Variants in HCN2 observed in about 807,000 individuals in gnomAD.
HCN2 encodes the protein hyperpolarization activated cyclic nucleotide gated potassium and sodium channel 2, also known as potassium/sodium hyperpolarization-activated cyclic nucleotide-gated channel 2.
HCN2 carries 20 observed loss-of-function variants against 52.3 expected under a neutral mutation model. The observed-to-expected ratio is 0.38, with a 90% CI of 0.27 to 0.56. The LOEUF is 0.56. HCN2 is among the 20% of genes least tolerant of loss of function. The pLI, the probability that HCN2 is intolerant of heterozygous loss-of-function variation, is 0.71. For missense variants in HCN2, 981 were observed against 1,207.7 expected (o/e 0.81, Z 2.78); for synonymous variants, 694 against 537.0 (o/e 1.29, Z -4.04).
At chr19:612,652 C>T (rs954012610) in intron 5 of HCN2, among the ~76,000 whole-genome samples, 17 of 151,960 alleles carry the variant, frequency 1.1e-4, no homozygotes, top group Non-Finnish European at 1.6e-4. Flanking sequence ...TGACATCAGG[C>T]GATCCACCCA....
At chr19:599,589 C>A (rs1284340603) in intron 1 of HCN2, among the ~76,000 whole-genome samples, 6 of 150,880 alleles carry the variant, frequency 4.0e-5, no homozygotes, top group Admixed American at 4.0e-4. Context: ...ACCATCCTGG[C>A]TAACATGGTG....
chr19:607,864 C>T (rs1983473119), intron 3 of HCN2, 100 bp from the exon 4 acceptor site: 2 of 830,694 alleles, frequency 2.4e-6, no homozygotes, highest in Middle Eastern at 3.5e-4. Context: ...AGCTCACCAC[C>T]TCCAGTGCTT....
intron 7 of HCN2, 113 bp downstream of exon 7, chr19:614,129 T>G (rs1046053842): frequency 4.6e-5 from 31 of 679,658 alleles, no homozygotes; most frequent in Middle Eastern, 5.1e-4. Context: ...GGCTGTGGCA[T>G]CAGGGGCACG....
At chr19:606,206 T>G (rs1983423097) in intron 3 of HCN2, among the ~76,000 whole-genome samples, 1 of 152,090 alleles carries the variant, frequency 6.6e-6, no homozygotes, top group Admixed American at 6.5e-5. Flanking sequence ...GTTCAAGGGA[T>G]TCTCTCGCCT....
intron 6 of HCN2, 80 bp from the exon 7 acceptor site, chr19:613,772 G>A: frequency 7.3e-7 from 1 of 1,375,820 alleles, no homozygotes; most frequent in Middle Eastern, 2.8e-4. Context: ...CCAAGGTGCA[G>A]AGGCCGGGCC....
intron 5 of HCN2, among the ~76,000 whole-genome samples, chr19:612,462 C>T (rs1268185387): frequency 6.7e-6 from 1 of 149,008 alleles, no homozygotes; most frequent in Non-Finnish European, 1.5e-5. Context: ...GTCACCCGGG[C>T]TCCAGTGCAG....
chr19:612,458 C>T (rs542726694), intron 5 of HCN2, among the ~76,000 whole-genome samples: 103 of 143,574 alleles, frequency 7.2e-4, no homozygotes, highest in African/African-American at 2.5e-3. Flanking sequence ...CTCTGTCACC[C>T]GGGCTCCAGT....
chr19:596,738 GCA>G (rs1168030927), intron 1 of HCN2, among the ~76,000 whole-genome samples: 3 of 152,182 alleles, frequency 2.0e-5, no homozygotes, highest in Admixed American at 2.0e-4. Context: ...GGACGCGGCT[GCA>G]CAGAGTGTGA....
At chr19:613,215 C>G in intron 5 of HCN2, 33 bp from the exon 6 acceptor site, 1 of 1,582,502 alleles carries the variant, frequency 6.3e-7, no homozygotes, top group Non-Finnish European at 8.6e-7. Flanking sequence ...GAGTGGGGTC[C>G]GCAGCGGACC....
In HCN2 at chr19:616,468, C is replaced by G; in HGVS notation, c.2664C>G (p.Asn888Lys). 1 of 1,228,206 alleles carries G rather than the reference C, an allele frequency of 8.1e-7. No homozygotes were observed. The highest frequency in any genetic ancestry group is 1.0e-6 in the Non-Finnish European group (1 of 982,802). 76.1% of individuals were successfully genotyped at this position (1,228,206 alleles called of 1,614,324 possible). A position where few individuals can be genotyped will look rare whatever the true frequency, so the allele number is the denominator to read the frequency against. ...QDSARSRLSS[N>K]L ...CCGCGCGCTCGCGCCTCTCGTCCAA[C>G]TTGTGACCCTCGCCGACCGCCCCGC... The change falls in exon 8 of 8, where the codon AAC (asparagine) becomes AAG (lysine). Residue 888 changes from asparagine (N) to lysine (K), a missense_variant. Physicochemically the swap from Asn to Lys is moderately conservative, Grantham distance 94. Around this residue, in one of 6 missense-constraint regions of HCN2, gnomAD observed 368 missense variants for 314.8 expected, o/e 1.17. Coordinates refer to ENST00000251287, the MANE Select transcript of HCN2 (RefSeq NM_001194.4).
chr19:615,877 C>A lies in HCN2; in HGVS notation c.2073C>A (p.Ile691=). The change falls in exon 8 of 8, where the codon ATC becomes ATA. Residue 691 remains isoleucine, a synonymous_variant. Transcript: ENST00000251287. The stretch of plus-strand genomic sequence containing the variant: ...TCAACAACCAGGAGAACGCCATCAT[C>A]CAGGAGATCGTCAAGTACGACCGCG... The part of the protein sequence containing the change: ...GVFNNQENAI[I]QEIVKYDREM... 1 of 1,613,042 alleles carries A rather than the reference C, an allele frequency of 6.2e-7. No homozygotes were observed. The highest frequency in any genetic ancestry group is 8.5e-7 in the Non-Finnish European group (1 of 1,179,896).
At chr19:599,729 A>G (rs941082574) in intron 1 of HCN2, among the ~76,000 whole-genome samples, 3 of 152,042 alleles carry the variant, frequency 2.0e-5, no homozygotes, top group Non-Finnish European at 2.9e-5. Flanking sequence ...CGGAGCTTGC[A>G]GTGAGCCGAG....
chr19:595,711 G>A (rs1053177049), intron 1 of HCN2, among the ~76,000 whole-genome samples: 2 of 151,770 alleles, frequency 1.3e-5, no homozygotes, highest in Non-Finnish European at 2.9e-5. Context: ...GCCCCGTCGG[G>A]ATCACCCGGG....
At chr19:615,140 A>T (rs902746373) in intron 7 of HCN2, among the ~76,000 whole-genome samples, 11 of 152,036 alleles carry the variant, frequency 7.2e-5, no homozygotes, top group African/African-American at 2.7e-4. Context: ...GTCATTACAT[A>T]ATCAGCGTAT....
intron 1 of HCN2, among the ~76,000 whole-genome samples, chr19:597,489 C>T (rs1983064551): frequency 2.0e-5 from 3 of 151,846 alleles, no homozygotes; most frequent in Non-Finnish European, 4.4e-5. Context: ...TTCTAGGTCT[C>T]CTTGGCGGTT....
intron 7 of HCN2, among the ~76,000 whole-genome samples, chr19:614,675 T>C (rs1983819982): frequency 6.6e-6 from 1 of 150,752 alleles, no homozygotes; most frequent in South Asian, 2.1e-4. Context: ...CAGGGCCCAG[T>C]GGGCGGCAGG....
chr19:605,352 TATGGAGGGGAGG>T (rs1983390446), intron 3 of HCN2, 130 bp downstream of exon 3: 2 of 567,592 alleles, frequency 3.5e-6, no homozygotes, highest in African/African-American at 4.1e-5. Context: ...GGCGCCCCCT[TATGGAGGGGAGG>T]ACTCGGGCCC....
Position 605,760 on chromosome 19 carries a change from CGCCCCCTTA to C in HCN2, c.1218+539_1218+547del, listed in dbSNP as rs1161442619. Among the ~76,000 whole-genome samples, 405 of 130,388 alleles carry C rather than the reference CGCCCCCTTA, an allele frequency of 3.1e-3. 15 individuals are homozygous for C. Among genetic ancestry groups the C allele is most frequent in the African/African-American group, 0.011 (366 of 33,144 alleles). The allele number at this position is 130,388 out of a possible 152,430, so 85.5% of individuals were successfully genotyped here. A position where few individuals can be genotyped will look rare whatever the true frequency, so the allele number is the denominator to read the frequency against. ...GCCCTTACAGAGGTGGGGACCCAGG[CGCCCCCTTA>C]TGGAGGGAAGGACTCGGGCCCTTAC... On this transcript the variant is annotated intron_variant, in intron 3 of 7. Coordinates refer to ENST00000251287, the MANE Select transcript of HCN2 (RefSeq NM_001194.4).
chr19:594,024 C>G lies in HCN2; in HGVS notation c.632+3447C>G, dbSNP rs948872420. On this transcript the variant is annotated intron_variant, in intron 1 of 7. Transcript: ENST00000251287. ...GGCCACACAGGTCCACTTGGGAAAG[C>G]CTGAGTCGTGCAAAGGAGGGTGTCT... Among the ~76,000 whole-genome samples, 3 of 152,244 alleles carry G rather than the reference C, an allele frequency of 2.0e-5. No homozygotes were observed. The Middle Eastern group carries it at 0.01, about 521-fold the overall frequency.
Sources: gnomAD v4.1 joint callset for allele counts (sites outside exome capture counted in the v4.1 genomes callset) on GRCh38, gnomAD v4.1.1 for gene constraint, gnomAD v4.1.1 regional missense constraint, MANE v1.5 for transcripts, NCBI Gene and HGNC (gene_info 2026-07-23, HGNC 2026-07-21) for gene names.